SLC2A13: variants seen among roughly 807,000 people sequenced by gnomAD.
SLC2A13 encodes the protein proton myo-inositol cotransporter.
SLC2A13 carries 32 observed loss-of-function variants against 64.4 expected under a neutral mutation model. The observed-to-expected ratio is 0.50, with a 90% CI of 0.37 to 0.67. SLC2A13 has a LOEUF of 0.67. SLC2A13 is among the 30% of genes least tolerant of loss of function. The probability of loss-of-function intolerance (pLI) is 0.00; values close to 1 mark genes in which losing one functional copy is unlikely to be tolerated. For synonymous variants in SLC2A13, 338 were observed against 327.1 expected (o/e 1.03, Z -0.36); for missense variants, 743 against 829.2 (o/e 0.90, Z 1.28).
At chr12:39,926,212 C>G (rs1945726078) in intron 4 of SLC2A13, among the ~76,000 whole-genome samples, 1 of 151,876 alleles carries the variant, frequency 6.6e-6, no homozygotes, top group Non-Finnish European at 1.5e-5. Flanking sequence ...AATAAATAAC[C>G]CTTTGTATTT....
At chr12:39,826,517 G>T (rs1592175767) in intron 7 of SLC2A13, among the ~76,000 whole-genome samples, 1 of 146,388 alleles carries the variant, frequency 6.8e-6, no homozygotes, top group Admixed American at 6.8e-5. Context: ...CCCTCTAACA[G>T]TTCATATTTT....
chr12:39,771,879 T>C, intron 7 of SLC2A13, among the ~76,000 whole-genome samples: 1 of 152,084 alleles, frequency 6.6e-6, no homozygotes, highest in Non-Finnish European at 1.5e-5. Context: ...CTAAACTAAA[T>C]TACTTATTTT....
At chr12:40,061,564 G>A (rs986027515) in intron 1 of SLC2A13, among the ~76,000 whole-genome samples, 1 of 151,994 alleles carries the variant, frequency 6.6e-6, no homozygotes, top group African/African-American at 2.4e-5. Flanking sequence ...TATTAGGCAC[G>A]GCAAGTAATC....
Position 39,864,657 on chromosome 12 carries a change from A to G in SLC2A13, c.1319+105T>C. ...TTCTTCCCTTCTTACATAAGCCTGG[A>G]TGCCCAGCAAGCTCCTACTCATCTC... On this transcript the variant is annotated intron_variant, in intron 6 of 9. Coordinates refer to ENST00000280871, the MANE Select transcript of SLC2A13 (RefSeq NM_052885.4). The G allele has an allele frequency of 2.1e-6, 3 of 1,442,346 alleles. No individual in the cohort carries two copies. The South Asian group carries it at 4.2e-5, about 20-fold the overall frequency. 89.3% of individuals were successfully genotyped at this position (1,442,346 alleles called of 1,614,324 possible). A position where few individuals can be genotyped will look rare whatever the true frequency, so the allele number is the denominator to read the frequency against.
chr12:39,887,662 G>C (rs1288984414), intron 4 of SLC2A13, among the ~76,000 whole-genome samples: 3 of 152,118 alleles, frequency 2.0e-5, no homozygotes, highest in African/African-American at 7.2e-5. Flanking sequence ...CCATCGCTTA[G>C]GTTAGTTATT....
intron 7 of SLC2A13, chr12:39,819,925 A>G (rs1307356780): frequency 1.3e-5 from 2 of 152,518 alleles, no homozygotes; most frequent in African/African-American, 2.4e-5. Context: ...TCAAATTTCA[A>G]TCCTATAAAA....
At chr12:39,849,911 A>G (rs1174543801) in intron 6 of SLC2A13, among the ~76,000 whole-genome samples, 2 of 151,936 alleles carry the variant, frequency 1.3e-5, no homozygotes, top group Non-Finnish European at 2.9e-5. Flanking sequence ...CTTTCAGGGT[A>G]ATATTGTTTC....
intron 3 of SLC2A13, among the ~76,000 whole-genome samples, chr12:40,020,994 G>T (rs1240975843): frequency 6.6e-6 from 1 of 151,228 alleles, no homozygotes; most frequent in African/African-American, 2.4e-5. Context: ...AACGGTAAGT[G>T]GGAAAAAAGA....
At chr12:40,036,212 C>G (rs1947981455) in intron 2 of SLC2A13, among the ~76,000 whole-genome samples, 1 of 152,080 alleles carries the variant, frequency 6.6e-6, no homozygotes, top group South Asian at 2.1e-4. Flanking sequence ...GTTATTCCAA[C>G]AGAAGCTATT....
chr12:39,837,405 A>G (rs1176219224), intron 6 of SLC2A13, among the ~76,000 whole-genome samples: 3 of 135,492 alleles, frequency 2.2e-5, no homozygotes, highest in Admixed American at 1.5e-4. Context: ...AAACCTAGGC[A>G]TTACCATTCA....
chr12:39,781,957 ATCTTGAGTTATGGTTG>A (rs1941000536), intron 7 of SLC2A13, among the ~76,000 whole-genome samples: 1 of 152,200 alleles, frequency 6.6e-6, no homozygotes, highest in Non-Finnish European at 1.5e-5. Flanking sequence ...GCAATGGATA[ATCTTGAGTTATGGTTG>A]TCTTGTGAAT....
intron 7 of SLC2A13, among the ~76,000 whole-genome samples, chr12:39,765,767 T>A (rs1275421751): frequency 6.6e-6 from 1 of 152,116 alleles, no homozygotes; most frequent in African/African-American, 2.4e-5. Flanking sequence ...GCACAGGATG[T>A]GCAGGTTTGT....
chr12:39,806,191 A>C (rs1941974773), intron 7 of SLC2A13, among the ~76,000 whole-genome samples: 2 of 152,212 alleles, frequency 1.3e-5, no homozygotes, highest in Non-Finnish European at 2.9e-5. Flanking sequence ...TGACAAGTTT[A>C]TATTTCAGAG....
intron 6 of SLC2A13, among the ~76,000 whole-genome samples, chr12:39,859,335 A>T (rs1329021742): frequency 6.7e-4 from 11 of 16,416 alleles, no homozygotes; most frequent in Admixed American, 1.9e-3. Flanking sequence ...TTTTTTCTGA[A>T]AAAAAAAAAA....
chr12:39,861,787 C>T (rs1233284370), intron 6 of SLC2A13, among the ~76,000 whole-genome samples: 1 of 152,084 alleles, frequency 6.6e-6, no homozygotes, highest in African/African-American at 2.4e-5. Context: ...TACAGGTGGC[C>T]AAACATTTTC....
chr12:39,938,403 T>A (rs932279233), intron 4 of SLC2A13, among the ~76,000 whole-genome samples: 26 of 147,554 alleles, frequency 1.8e-4, no homozygotes, highest in Admixed American at 2.7e-4. Flanking sequence ...AAAGAAACTT[T>A]AAAAAAAAAA....
intron 6 of SLC2A13, among the ~76,000 whole-genome samples, chr12:39,836,479 T>C (rs1159302005): frequency 6.6e-6 from 1 of 151,978 alleles, no homozygotes; most frequent in Non-Finnish European, 1.5e-5. Flanking sequence ...GTGTTGGAAG[T>C]TCTGGCCAGG....
At chr12:39,969,843 C>T (rs1946609593) in intron 3 of SLC2A13, among the ~76,000 whole-genome samples, 1 of 152,112 alleles carries the variant, frequency 6.6e-6, no homozygotes, top group Admixed American at 6.6e-5. Context: ...GTTGCCATTG[C>T]TTTTGGTGTT....
At chr12:40,029,036 C>T (rs960014965) in intron 2 of SLC2A13, among the ~76,000 whole-genome samples, 3 of 151,868 alleles carry the variant, frequency 2.0e-5, no homozygotes, top group Non-Finnish European at 4.4e-5. Flanking sequence ...GCATCATGTT[C>T]ATCATCATTA....
Sources: gnomAD v4.1 joint callset for allele counts (sites outside exome capture counted in the v4.1 genomes callset) on GRCh38, gnomAD v4.1.1 for gene constraint, MANE v1.5 for transcripts, NCBI Gene and HGNC (gene_info 2026-07-23, HGNC 2026-07-21) for gene names.